CAST: variants seen among roughly 807,000 people sequenced by gnomAD.
CAST encodes MIR583 host.
A neutral mutation model predicts 119.6 loss-of-function variants in CAST; 76 were observed. That is an observed-to-expected ratio of 0.64 (90% CI 0.53 to 0.77). The LOEUF is 0.77. CAST is among the 30% of genes least tolerant of loss of function. The probability of loss-of-function intolerance (pLI) is 0.00; values close to 1 mark genes in which losing one functional copy is unlikely to be tolerated. For synonymous variants in CAST, 319 were observed against 331.6 expected, an observed-to-expected ratio of 0.96 and a Z score of 0.41; for missense variants, 953 against 946.5, an observed-to-expected ratio of 1.01 and a Z score of -0.09.
At chr5:96,474,438 G>C in the CAST span, among the ~76,000 whole-genome samples, 3 of 152,012 alleles carry the variant, frequency 2.0e-5, no homozygotes, top group Non-Finnish European at 4.4e-5. Context: ...GATGGGGGGT[G>C]GGGGTGAGGG....
chr5:96,577,435 T>C (rs1156316587), intron 1 of CAST, among the ~76,000 whole-genome samples: 1 of 152,062 alleles, frequency 6.6e-6, no homozygotes, highest in Non-Finnish European at 1.5e-5. Context: ...GGGGCTTATT[T>C]TTCTCTTACT....
upstream of CAST, among the ~76,000 whole-genome samples, chr5:96,524,065 A>G (rs1323256059): frequency 3.3e-5 from 5 of 152,334 alleles, no homozygotes; most frequent in Non-Finnish European, 5.9e-5. Flanking sequence ...CTGCCTTTCT[A>G]TGGATTTAAA....
the CAST span, among the ~76,000 whole-genome samples, chr5:96,104,159 G>A: frequency 6.6e-6 from 1 of 152,118 alleles, no homozygotes; most frequent in African/African-American, 2.4e-5. Context: ...AGTAGGTTGC[G>A]AAAATTTTCG....
At chr5:96,467,750 T>C in the CAST span, among the ~76,000 whole-genome samples, 2 of 151,888 alleles carry the variant, frequency 1.3e-5, no homozygotes, top group East Asian at 3.9e-4. Flanking sequence ...GGCGTGGATG[T>C]GGTAACAAGA....
the CAST span, among the ~76,000 whole-genome samples, chr5:96,519,723 C>T: frequency 6.6e-6 from 1 of 152,274 alleles, no homozygotes; most frequent in Non-Finnish European, 1.5e-5. Flanking sequence ...TCTCCTGCCT[C>T]AGCCTCCCGA....
the CAST span, among the ~76,000 whole-genome samples, chr5:96,456,101 G>A: frequency 0.026 from 3,906 of 152,266 alleles, 196 homozygotes; most frequent in African/African-American, 0.09. Context: ...GAATAGAGGG[G>A]ATATCTAATG....
At chr5:96,399,574 GGGTAAAACT>G in the CAST span, among the ~76,000 whole-genome samples, 84 of 152,144 alleles carry the variant, frequency 5.5e-4, no homozygotes, top group Non-Finnish European at 3.1e-4. Context: ...AGCAGATTTT[GGGTAAAACT>G]GGTTGGCAAG....
At chr5:96,361,809 C>CTTTTTTTTTTTTTTTTTTTATTTT in the CAST span, among the ~76,000 whole-genome samples, 1 of 68,640 alleles carries the variant, frequency 1.5e-5, no homozygotes, top group Non-Finnish European at 2.5e-5. Context: ...CTCTAGTATG[C>CTTTTTTTTTTTTTTTTTTTATTTT]TTTTTTTTTT....
Position 96,535,167 on chromosome 5 carries a change from A to G in CAST, c.60+5287A>G, listed in dbSNP as rs977594785. Among the ~76,000 whole-genome samples the G allele has an allele frequency of 6.6e-5, 10 of 152,338 alleles. No individual in the cohort carries two copies. In the East Asian group the frequency reaches 1.9e-3, roughly 29 times the overall value. On this transcript the variant is annotated intron_variant, in intron 1 of 11. Coordinates refer to the CAST transcript ENST00000505143. ...AATGAGAGGAACCAGTGGAAAAAAGAAAACGTGGGCAGAAGCCTAATTTCC... is the reference window on the plus strand; with the variant it reads ...AATGAGAGGAACCAGTGGAAAAAAGGAAACGTGGGCAGAAGCCTAATTTCC...
chr5:96,614,878 C>A (rs562984944), intron 1 of CAST, among the ~76,000 whole-genome samples: 30 of 151,856 alleles, frequency 2.0e-4, no homozygotes, highest in African/African-American at 7.0e-4. Context: ...TATTCTCTTG[C>A]CTTTTAGTTA....
chr5:96,262,322 A>G, the CAST span, among the ~76,000 whole-genome samples: 1 of 152,136 alleles, frequency 6.6e-6, no homozygotes, highest in Non-Finnish European at 1.5e-5. Context: ...AAGCCACTGC[A>G]CCGAGGAAAA....
the CAST span, among the ~76,000 whole-genome samples, chr5:96,306,231 G>A: frequency 1.3e-5 from 2 of 152,128 alleles, no homozygotes; most frequent in African/African-American, 2.4e-5. Flanking sequence ...TAGTTTATTT[G>A]CATGGAGGTG....
chr5:96,424,997 GAGAAAGAAAGAAAAGAA>G, the CAST span, among the ~76,000 whole-genome samples: 18 of 100,186 alleles, frequency 1.8e-4, no homozygotes, highest in South Asian at 3.0e-4. Context: ...AAGAAAGAAA[GAGAAAGAAAGAAAAGAA>G]AGAAAGAAAG....
chr5:96,307,614 G>A, the CAST span, among the ~76,000 whole-genome samples: 1 of 152,094 alleles, frequency 6.6e-6, no homozygotes, highest in Non-Finnish European at 1.5e-5. Context: ...CATGTTTAGT[G>A]CTTCCTTCAG....
the CAST span, among the ~76,000 whole-genome samples, chr5:96,196,092 C>G: frequency 2.0e-5 from 3 of 152,124 alleles, no homozygotes; most frequent in Non-Finnish European, 4.4e-5. Context: ...TATTAAGTTT[C>G]TATCCCAAAC....
At chr5:96,430,491 G>C in the CAST span, among the ~76,000 whole-genome samples, 10 of 152,294 alleles carry the variant, frequency 6.6e-5, no homozygotes, top group African/African-American at 2.2e-4. Context: ...GAAATCAGCA[G>C]CCGCAGAAAA....
chr5:96,432,120 A>G, the CAST span: 1 of 1,535,806 alleles, frequency 6.5e-7, no homozygotes, highest in Middle Eastern at 1.7e-4. Flanking sequence ...TCCCTTCCCC[A>G]TAGTCAGTTC....
At chr5:96,320,228 CTTTTTT>C in the CAST span, among the ~76,000 whole-genome samples, 2 of 97,362 alleles carry the variant, frequency 2.1e-5, no homozygotes, top group Admixed American at 9.5e-5. Flanking sequence ...AAGGCTTTTG[CTTTTTT>C]TTTTTTTTTT....
At position 96,695,863 on chromosome 5, in the gene CAST, C is replaced by T; in HGVS notation, c.166C>T (p.Gln56Ter). ...AAAAGCAGCAAGCCTCGGCAGCAGT[C>T]AATCCTCCAGAACCTATGCTGGTGG... ...EKKAASLGSS[Q>*]SSRTYAGGTA... Residue 56 changes from glutamine (Q) to a stop codon, truncating the protein, a stop_gained, in exon 3 of 32, where the codon CAA (glutamine) becomes TAA (stop). Coordinates refer to ENST00000675179, the MANE Select transcript of CAST (RefSeq NM_001750.7). LOFTEE classifies it high-confidence loss of function. The T allele has an allele frequency of 6.2e-7, 1 of 1,613,164 alleles. No homozygotes were observed. Among genetic ancestry groups the T allele is most frequent in the Non-Finnish European group, 8.5e-7 (1 of 1,179,376 alleles).
Sources: allele counts gnomAD v4.1 joint callset (sites outside exome capture counted in the v4.1 genomes callset), GRCh38; gene constraint gnomAD v4.1.1; transcripts MANE v1.5; gene names NCBI Gene and HGNC (gene_info 2026-07-23, HGNC 2026-07-21).